SPDYE10: variants seen among roughly 807,000 people sequenced by gnomAD.
SPDYE10 encodes the protein speedy protein E10.
chr7:73,134,537 A>AAGAAAGAAAGAAAGAAAGAAAAAG, the SPDYE10 span, among the ~76,000 whole-genome samples: 1 of 139,530 alleles, frequency 7.2e-6, no homozygotes, highest in African/African-American at 2.9e-5. Context: ...GAAAGAAAGA[A>AAGAAAGAAAGAAAGAAAGAAAAAG]AAAGAAAGAA....
the SPDYE10 span, among the ~76,000 whole-genome samples, chr7:73,130,522 A>G: frequency 6.6e-6 from 1 of 152,302 alleles, no homozygotes; most frequent in East Asian, 1.9e-4. Flanking sequence ...CAGTGGCACA[A>G]TCTTGGCTCA....
the SPDYE10 span, among the ~76,000 whole-genome samples, chr7:73,115,117 A>G: frequency 2.0e-5 from 3 of 151,546 alleles, no homozygotes; most frequent in East Asian, 5.8e-4. Flanking sequence ...GCTGGTCTTG[A>G]ACTCCTGACC....
At chr7:73,137,885 G>A in the SPDYE10 span, among the ~76,000 whole-genome samples, 1 of 120,416 alleles carries the variant, frequency 8.3e-6, no homozygotes, top group African/African-American at 3.3e-5. Flanking sequence ...AAGGGGAGGG[G>A]AAGGAGAGGG....
the SPDYE10 span, among the ~76,000 whole-genome samples, chr7:73,123,952 T>G: frequency 2.6e-5 from 4 of 151,434 alleles, no homozygotes; most frequent in Non-Finnish European, 5.9e-5. Context: ...TGTTTTTTTG[T>G]TTTTTTGTAG....
At chr7:73,155,014 T>TCGGCCCCTCGGCTGCTGCTCC in the SPDYE10 span, 1 of 148,022 alleles carries the variant, frequency 6.8e-6, no homozygotes, top group Non-Finnish European at 1.4e-5. Flanking sequence ...GCTGCTGCTC[T>TCGGCCCCTCGGCTGCTGCTCC]GCCGGCGCTG....
At chr7:73,123,789 C>CTCTCTG in the SPDYE10 span, among the ~76,000 whole-genome samples, 3 of 38,780 alleles carry the variant, frequency 7.7e-5, no homozygotes, top group African/African-American at 2.0e-4. Flanking sequence ...CTCTCTCTCC[C>CTCTCTG]TCTCTCTCTC....
the SPDYE10 span, among the ~76,000 whole-genome samples, chr7:73,120,787 C>CAA: frequency 1.4e-5 from 2 of 147,434 alleles, no homozygotes; most frequent in African/African-American, 5.2e-5. Context: ...GATTCTGTCT[C>CAA]AAAAAAAAAA....
At chr7:73,118,150 C>CAAA in the SPDYE10 span, among the ~76,000 whole-genome samples, 1 of 6,208 alleles carries the variant, frequency 1.6e-4, no homozygotes. Context: ...GACTCTCTGT[C>CAAA]AAAAAAAAAA....
chr7:73,124,547 G>A, the SPDYE10 span, among the ~76,000 whole-genome samples: 1 of 151,736 alleles, frequency 6.6e-6, no homozygotes, highest in African/African-American at 2.4e-5. Context: ...CCAGAAGAAT[G>A]GACTTAACAC....
chr7:73,150,948 ATT>A, the SPDYE10 span, among the ~76,000 whole-genome samples: 207 of 4,930 alleles, frequency 0.042, 6 homozygotes, highest in Non-Finnish European at 0.052. Context: ...ATATATATAT[ATT>A]TTTTTTTTTT....
At chr7:73,152,291 T>C in the SPDYE10 span, among the ~76,000 whole-genome samples, 2 of 141,696 alleles carry the variant, frequency 1.4e-5, no homozygotes, top group African/African-American at 2.7e-5. Flanking sequence ...GGGATTATAG[T>C]TGTGAGCCAC....
chr7:73,123,680 A>T, the SPDYE10 span, among the ~76,000 whole-genome samples: 1 of 149,894 alleles, frequency 6.7e-6, no homozygotes, highest in Admixed American at 6.7e-5. Context: ...CTGGTTTTGA[A>T]CTCCTGACCT....
At chr7:73,104,518 A>G in the SPDYE10 span, 1 of 101,742 alleles carries the variant, frequency 9.8e-6, no homozygotes, top group East Asian at 2.7e-4. Context: ...TAATATTTAA[A>G]TAAATAAATA....
At chr7:73,152,045 C>T in the SPDYE10 span, among the ~76,000 whole-genome samples, 1 of 146,192 alleles carries the variant, frequency 6.8e-6, no homozygotes, top group African/African-American at 2.6e-5. Flanking sequence ...GGCAGAATCT[C>T]ATTCTGTCGC....
chr7:73,120,753 A>T, the SPDYE10 span, among the ~76,000 whole-genome samples: 2 of 148,154 alleles, frequency 1.3e-5, no homozygotes, highest in African/African-American at 5.1e-5. Flanking sequence ...GTGTCTCTGC[A>T]CTCCAGCCTG....
the SPDYE10 span, among the ~76,000 whole-genome samples, chr7:73,138,373 G>A: frequency 1.3e-5 from 2 of 150,908 alleles, no homozygotes; most frequent in Non-Finnish European, 2.9e-5. Flanking sequence ...TTTGTGTGCT[G>A]TTTGCTTTTT....
the SPDYE10 span, among the ~76,000 whole-genome samples, chr7:73,138,190 TAGAA>T: frequency 6.6e-6 from 1 of 151,592 alleles, no homozygotes; most frequent in African/African-American, 2.4e-5. Flanking sequence ...ACTCTGAGAA[TAGAA>T]AGATGAAAAA....
At chr7:73,138,501 C>G in the SPDYE10 span, among the ~76,000 whole-genome samples, 2 of 147,760 alleles carry the variant, frequency 1.4e-5, no homozygotes, top group African/African-American at 5.1e-5. Flanking sequence ...GCCTCAGCCT[C>G]CCGAGTAGCT....
the SPDYE10 span, among the ~76,000 whole-genome samples, chr7:73,149,008 TCTCA>T: frequency 1.3e-5 from 2 of 150,996 alleles, no homozygotes; most frequent in Non-Finnish European, 3.0e-5. Flanking sequence ...AGAGGCAGGT[TCTCA>T]CTCTGTCACC....
Sources: allele counts gnomAD v4.1 joint callset (sites outside exome capture counted in the v4.1 genomes callset), GRCh38; gene constraint gnomAD v4.1.1; transcripts MANE v1.5; gene names NCBI Gene and HGNC (gene_info 2026-07-23, HGNC 2026-07-21).